The following KIRREL3 variants were observed in gnomAD, a reference collection of about 807,000 sequenced individuals.
The protein encoded by KIRREL3 is kirre like nephrin family adhesion molecule 3, also known as kin of IRRE-like protein 3.
KIRREL3 carries 36 observed loss-of-function variants against 89.7 expected under a neutral mutation model. The observed-to-expected ratio is 0.40, with a 90% CI of 0.31 to 0.53. The LOEUF (loss-of-function observed/expected upper bound fraction) is 0.53, where lower values mean the gene tolerates loss of function less well. Among genes scored for constraint, KIRREL3 ranks in the 20% least tolerant of loss-of-function variants. The pLI is 0.49. For synonymous variants in KIRREL3, 445 were observed against 441.4 expected (o/e 1.01, Z -0.10); for missense variants, 864 against 1,056.6 (o/e 0.82, Z 2.53).
chr11:126,649,945 A>C (rs1944844602), intron 1 of KIRREL3, among the ~76,000 whole-genome samples: 1 of 152,220 alleles, frequency 6.6e-6, no homozygotes, highest in South Asian at 2.1e-4. Flanking sequence ...GAGTTTCCAT[A>C]CATTTTCTGA....
rs201214323 is a variant in KIRREL3 at position 126,552,550 on chromosome 11, G to GTATTTT, written c.133+10284_133+10285insAAAATA. 1.5e-3 allele frequency among the ~76,000 whole-genome samples: 124 copies of GTATTTT among 81,750 alleles called. 14 individuals carry two copies. The highest frequency in any genetic ancestry group is 4.9e-3 in the African/African-American group (115 of 23,476). The allele number at this position is 81,750 out of a possible 152,430, so 53.6% of individuals were successfully genotyped here. A position where few individuals can be genotyped will look rare whatever the true frequency, so the allele number is the denominator to read the frequency against. The stretch of plus-strand genomic sequence containing the variant: ...TGCATCACACAGGGGAGAGAGAAAA[G>GTATTTT]TTTTTTTTTTTTTTTTTTTTTTTTT... On this transcript the variant is annotated intron_variant, in intron 2 of 16. Transcript: ENST00000525144.
At chr11:126,692,824 T>C (rs1946932705) in intron 1 of KIRREL3, among the ~76,000 whole-genome samples, 1 of 152,162 alleles carries the variant, frequency 6.6e-6, no homozygotes, top group South Asian at 2.1e-4. Flanking sequence ...AGGATGTTGA[T>C]TACTAGGGAC....
chr11:126,859,799 G>C (rs144214230), intron 1 of KIRREL3, among the ~76,000 whole-genome samples: 4 of 152,146 alleles, frequency 2.6e-5, no homozygotes, highest in Admixed American at 2.6e-4. Flanking sequence ...AGGATGAACC[G>C]AGAGTCCATG....
intron 9 of KIRREL3, among the ~76,000 whole-genome samples, chr11:126,446,265 TC>T (rs1955796754): frequency 3.2e-4 from 14 of 43,936 alleles, no homozygotes; most frequent in African/African-American, 9.0e-4. Context: ...CTTTTCTTTC[TC>T]TCTCTTTCTT....
In KIRREL3 at chr11:126,943,197, G is replaced by C. The variant is rs1948511143; in HGVS notation, c.55+57258C>G. Among the ~76,000 whole-genome samples, 1 of 152,114 alleles carries C rather than the reference G, an allele frequency of 6.6e-6. No individual in the cohort carries two copies. Among genetic ancestry groups the C allele is most frequent in the Non-Finnish European group, 1.5e-5 (1 of 68,024 alleles). On this transcript the variant is annotated intron_variant, in intron 1 of 16. Transcript: ENST00000525144. The surrounding 1 kb of genome is among the most constrained non-coding windows in gnomAD (Gnocchi z 4.2). Reference sequence around the variant, plus strand: ...CCTTCTCTTTGGGGTCTCAGGATTGGCTTTTGAGGTGTTTCTGGGCCTTAA... The same window carrying C: ...CCTTCTCTTTGGGGTCTCAGGATTGCCTTTTGAGGTGTTTCTGGGCCTTAA...
In KIRREL3 at chr11:126,897,515, G is replaced by A. The variant is rs776619350; in HGVS notation, c.55+102940C>T. Among the ~76,000 whole-genome samples the A allele has an allele frequency of 2.6e-4, 39 of 152,080 alleles. No homozygotes were observed. The highest frequency in any genetic ancestry group is 1.3e-4 in the Non-Finnish European group (9 of 68,028). On this transcript the variant is annotated intron_variant, in intron 1 of 16. Transcript: ENST00000525144. This position sits in a 1 kb window ranked among gnomAD's most constrained non-coding sequence, Gnocchi z 4.2. ...ACCCCATCTAACACCACCCCCAAAA[G>A]GAGTAGAACAGGAAACCAGCTCCCA...
In KIRREL3 at chr11:126,628,622, G is replaced by T. The variant is rs1264598328; in HGVS notation, c.56-65710C>A. Reference sequence around the variant, plus strand: ...TTCTGAGATCCAGCCCAGTCTCCTTGGGCAGTGTGTATCTGTTTCCTCTTT... The same window carrying T: ...TTCTGAGATCCAGCCCAGTCTCCTTTGGCAGTGTGTATCTGTTTCCTCTTT... On this transcript the variant is annotated intron_variant, in intron 1 of 16. Transcript: ENST00000525144. This position sits in a 1 kb window ranked among gnomAD's most constrained non-coding sequence, Gnocchi z 5.2. 6.6e-6 allele frequency among the ~76,000 whole-genome samples: 1 copy of T among 152,160 alleles called. No individual in the cohort carries two copies. The highest frequency in any genetic ancestry group is 1.5e-5 in the Non-Finnish European group (1 of 68,024).
intron 1 of KIRREL3, among the ~76,000 whole-genome samples, chr11:126,851,986 C>T (rs983737058): frequency 1.3e-5 from 2 of 151,416 alleles, no homozygotes; most frequent in African/African-American, 4.9e-5. Flanking sequence ...TTGCCTGACC[C>T]TACTGGCTTT....
Position 126,552,550 on chromosome 11 carries a change from G to GTTTTTTTTT in KIRREL3, c.133+10276_133+10284dup, listed in dbSNP as rs59392843. ...TGCATCACACAGGGGAGAGAGAAAAGTTTTTTTTTTTTTTTTTTTTTTTTT... is the reference window on the plus strand; with the variant it reads ...TGCATCACACAGGGGAGAGAGAAAAGTTTTTTTTTTTTTTTTTTTTTTTTTTTTTTTTTT... On this transcript the variant is annotated intron_variant, in intron 2 of 16. Transcript: ENST00000525144. 1.7e-3 allele frequency among the ~76,000 whole-genome samples: 137 copies of GTTTTTTTTT among 81,750 alleles called. 11 individuals carry two copies. The highest frequency in any genetic ancestry group is 2.0e-3 in the Non-Finnish European group (84 of 43,000). 53.6% of individuals were successfully genotyped at this position (81,750 alleles called of 152,430 possible). A position where few individuals can be genotyped will look rare whatever the true frequency, so the allele number is the denominator to read the frequency against.
chr11:126,491,733 G>T lies in KIRREL3; in HGVS notation c.434-18267C>A, dbSNP rs566905902. On this transcript the variant is annotated intron_variant, in intron 4 of 16. Transcript: ENST00000525144. The surrounding 1 kb of genome is among the most constrained non-coding windows in gnomAD (Gnocchi z 5.5). Reference sequence around the variant, plus strand: ...TTTTTTTATATTTATACGGAGTCTTGCTCTGTCACCCAAGCTGGAGTTCAG... The same window carrying T: ...TTTTTTTATATTTATACGGAGTCTTTCTCTGTCACCCAAGCTGGAGTTCAG... 3.2e-4 allele frequency among the ~76,000 whole-genome samples: 48 copies of T among 151,638 alleles called. No homozygotes were observed. Among genetic ancestry groups the T allele is most frequent in the Admixed American group, 5.9e-4 (9 of 15,220 alleles).
In KIRREL3 at chr11:126,773,082, T is replaced by C. The variant is rs1425609557; in HGVS notation, c.56-210170A>G. 1.3e-5 allele frequency among the ~76,000 whole-genome samples: 2 copies of C among 152,134 alleles called. No individual in the cohort carries two copies. The highest frequency in any genetic ancestry group is 3.8e-4 in the East Asian group (2 of 5,198). ...ACTGTTGTTGACCAAAGCCATTAGCTCCTAAAATACTGGGAATGAGGGAAT... is the reference window on the plus strand; with the variant it reads ...ACTGTTGTTGACCAAAGCCATTAGCCCCTAAAATACTGGGAATGAGGGAAT... On this transcript the variant is annotated intron_variant, in intron 1 of 16. Transcript: ENST00000525144. The surrounding 1 kb of genome is among the most constrained non-coding windows in gnomAD (Gnocchi z 4.2).
At position 126,492,949 on chromosome 11, in the gene KIRREL3, T is replaced by G. The variant is rs1174121722; in HGVS notation, c.434-19483A>C. Among the ~76,000 whole-genome samples, 2 of 152,272 alleles carry G rather than the reference T, an allele frequency of 1.3e-5. No individual in the cohort carries two copies. Among genetic ancestry groups the G allele is most frequent in the South Asian group, 2.1e-4 (1 of 4,822 alleles). On this transcript the variant is annotated intron_variant, in intron 4 of 16. Transcript: ENST00000525144. This position sits in a 1 kb window ranked among gnomAD's most constrained non-coding sequence, Gnocchi z 4.8. ...GACATGCCGCAGAACTTCCTGGCCG[T>G]GGGCTGAGTGACCCAAAAGGCCGTA...
At position 126,486,897 on chromosome 11, in the gene KIRREL3, C is replaced by T. The variant is rs777310721; in HGVS notation, c.434-13431G>A. Among the ~76,000 whole-genome samples the T allele has an allele frequency of 7.2e-5, 11 of 152,132 alleles. No homozygotes were observed. The highest frequency in any genetic ancestry group is 1.3e-4 in the Non-Finnish European group (9 of 68,034). On this transcript the variant is annotated intron_variant, in intron 4 of 16. Coordinates refer to ENST00000525144, the MANE Select transcript of KIRREL3 (RefSeq NM_032531.4). The surrounding 1 kb of genome is among the most constrained non-coding windows in gnomAD (Gnocchi z 6.2). ...GCCAGGCAGGGACTTGGAGTGTCCC[C>T]GCTGGTCCCATAAATAGAAGCAGAA... is the stretch of plus-strand genomic sequence containing the variant.
At chr11:126,973,092 G>C (rs1482689280) in intron 1 of KIRREL3, among the ~76,000 whole-genome samples, 1 of 71,150 alleles carries the variant, frequency 1.4e-5, no homozygotes, top group Non-Finnish European at 2.5e-5. Flanking sequence ...CCAACTCTAA[G>C]TTTTGAGGAA....
chr11:126,661,369 TA>T (rs1945394402), intron 1 of KIRREL3, among the ~76,000 whole-genome samples: 1 of 152,230 alleles, frequency 6.6e-6, no homozygotes, highest in Non-Finnish European at 1.5e-5. Context: ...AGAAGTCCCC[TA>T]CAACTTTTAC....
At chr11:126,679,193 G>C (rs1243206701) in intron 1 of KIRREL3, among the ~76,000 whole-genome samples, 1 of 152,178 alleles carries the variant, frequency 6.6e-6, no homozygotes, top group African/African-American at 2.4e-5. Context: ...GCCATGGATG[G>C]TGGAGAATCA....
At chr11:126,502,550 C>T (rs1341515040) in intron 4 of KIRREL3, among the ~76,000 whole-genome samples, 1 of 152,238 alleles carries the variant, frequency 6.6e-6, no homozygotes, top group Non-Finnish European at 1.5e-5. Context: ...GCTGGAGAAT[C>T]ACTCTTCCTT....
intron 4 of KIRREL3, among the ~76,000 whole-genome samples, chr11:126,478,709 A>G (rs1197344725): frequency 6.6e-6 from 1 of 151,996 alleles, no homozygotes; most frequent in Non-Finnish European, 1.5e-5. Context: ...ATGTGTGTAT[A>G]CATGTGTATG....
intron 1 of KIRREL3, among the ~76,000 whole-genome samples, chr11:126,598,891 A>G (rs1268385842): frequency 6.6e-6 from 1 of 152,188 alleles, no homozygotes; most frequent in Non-Finnish European, 1.5e-5. Context: ...GCTTCCTAGA[A>G]TGTTCTCAAC....
Sources: allele counts gnomAD v4.1 joint callset (sites outside exome capture counted in the v4.1 genomes callset), GRCh38; gene constraint gnomAD v4.1.1; non-coding constraint Gnocchi (gnomAD v3.1); transcripts MANE v1.5; gene names NCBI Gene and HGNC (gene_info 2026-07-23, HGNC 2026-07-21).